ARFIP2: variants seen among roughly 807,000 people sequenced by gnomAD.
ARFIP2 encodes the protein ARF interacting protein 2.
ARFIP2 carries 14 observed loss-of-function variants against 39.2 expected under a neutral mutation model. The ratio of observed to expected loss-of-function variants is 0.36; its 90% CI spans 0.24 to 0.56. ARFIP2 has a LOEUF of 0.56. Ranked by LOEUF, ARFIP2 falls within the 20% of genes least tolerant of loss-of-function variation. The probability of loss-of-function intolerance (pLI) is 0.85; values close to 1 mark genes in which losing one functional copy is unlikely to be tolerated. For missense variants in ARFIP2, 305 were observed against 422.5 expected (o/e 0.72, Z 2.44); for synonymous variants, 167 against 172.4 (o/e 0.97, Z 0.24).
At position 6,478,991 on chromosome 11, in the gene ARFIP2, C is replaced by T. The variant is rs763641373; in HGVS notation, c.316-32G>A. 2.4e-5 allele frequency: 38 copies of T among 1,607,042 alleles called. No individual in the cohort carries two copies. In the South Asian group the frequency reaches 2.5e-4, roughly 11 times the overall value. ...GGGAAATGGGGGAATAAATCAGAGACCCTAACAGCCTCCCCACACAACAGG... is the reference window on the plus strand; with the variant it reads ...GGGAAATGGGGGAATAAATCAGAGATCCTAACAGCCTCCCCACACAACAGG... On this transcript the variant is annotated intron_variant, in intron 4 of 7. Transcript: ENST00000396777. This position sits in a 1 kb window ranked among gnomAD's most constrained non-coding sequence, Gnocchi z 4.8.
At chr11:6,479,874 C>A in intron 3 of ARFIP2, 98 bp downstream of exon 3, 1 of 1,227,222 alleles carries the variant, frequency 8.1e-7, no homozygotes, top group South Asian at 1.3e-5. Context: ...CCCAAGATCT[C>A]CAGACATAAT....
At position 6,477,807 on chromosome 11, in the gene ARFIP2, C is replaced by A. The variant is rs746146856; in HGVS notation, c.781G>T (p.Ala261Ser). Residue 261 changes from alanine to serine, a missense_variant, in exon 7 of 8, where the codon GCC becomes TCC. Around this residue, in one of 3 missense-constraint regions of ARFIP2, gnomAD observed 112 missense variants for 118.2 expected, o/e 0.95. Transcript: ENST00000396777. The surrounding 1 kb of genome is among the most constrained non-coding windows in gnomAD (Gnocchi z 4.8). ...DAGTRGRLES[A>S]QATFQAHRDK... ...CGATGGGCCTGGAAAGTGGCCTGGG[C>A]ACTCTCAAGTCGACCACGTGTCCCT... is the stretch of plus-strand genomic sequence containing the variant. The A allele has an allele frequency of 1.2e-6, 2 of 1,614,026 alleles. No individual in the cohort carries two copies. Among genetic ancestry groups the A allele is most frequent in the African/African-American group, 2.7e-5 (2 of 74,994 alleles).
intron 1 of ARFIP2, 137 bp from the exon 2 acceptor site, chr11:6,480,600 T>C (rs957556415): frequency 3.6e-6 from 2 of 559,838 alleles, no homozygotes; most frequent in African/African-American, 1.9e-5. Flanking sequence ...TTCAGATATA[T>C]GTATTTCTCC....
In ARFIP2 at chr11:6,477,784, A is replaced by G; in HGVS notation, c.804T>C (p.His268=). ...LESAQATFQA[H]RDKYEKLRGD... The stretch of plus-strand genomic sequence containing the variant: ...CCCGCAGCTTCTCATACTTGTCCCG[A>G]TGGGCCTGGAAAGTGGCCTGGGCAC... Residue 268 remains histidine, a synonymous_variant, in exon 7 of 8, where the codon CAT becomes CAC. Transcript: ENST00000396777. This position sits in a 1 kb window ranked among gnomAD's most constrained non-coding sequence, Gnocchi z 4.8. The G allele has an allele frequency of 6.2e-7, 1 of 1,613,896 alleles. No individual in the cohort carries two copies. The highest frequency in any genetic ancestry group is 8.5e-7 in the Non-Finnish European group (1 of 1,179,946).
At chr11:6,479,610 G>A (rs1851506440) in intron 3 of ARFIP2, 3 of 564,154 alleles carry the variant, frequency 5.3e-6, no homozygotes, top group Admixed American at 3.3e-5. Context: ...ATCTTAGTGT[G>A]AGATTCAGGG....
rs1851190136 is a variant in ARFIP2 at position 6,477,336 on chromosome 11, C to G, written c.871-68G>C. 2.6e-6 allele frequency: 4 copies of G among 1,538,868 alleles called. No homozygotes were observed. In the African/African-American group the frequency reaches 4.1e-5, roughly 16 times the overall value. ...CTTCTTGAGGGTCTATGAGCCTGAG[C>G]CCAGGCACAGACCAGGGGCACAAGG... On this transcript the variant is annotated intron_variant, in intron 7 of 7. Transcript: ENST00000396777. This position sits in a 1 kb window ranked among gnomAD's most constrained non-coding sequence, Gnocchi z 4.8.
chr11:6,477,257 C>T lies in ARFIP2; in HGVS notation c.882G>A (p.Met294Ile), dbSNP rs762696754. 6.2e-7 allele frequency: 1 copy of T among 1,613,120 alleles called. No individual in the cohort carries two copies. Among genetic ancestry groups the T allele is most frequent in the Admixed American group, 1.7e-5 (1 of 59,942 alleles). The change falls in exon 8 of 8, where the codon ATG (methionine) becomes ATA (isoleucine). Residue 294 changes from methionine (M) to isoleucine (I), a missense_variant. Around this residue, in one of 3 missense-constraint regions of ARFIP2, gnomAD observed 112 missense variants for 118.2 expected, o/e 0.95. Transcript: ENST00000396777. The surrounding 1 kb of genome is among the most constrained non-coding windows in gnomAD (Gnocchi z 4.8). The stretch of plus-strand genomic sequence containing the variant: ...TGTGGAAGAGCAGCAGCTGCTTGTG[C>T]ATCACCTTGATCTGGGGGTCCAGCA... ...KFLEENKIKV[M>I]HKQLLLFHNA...
At position 6,478,929 on chromosome 11, in the gene ARFIP2, C is replaced by T. The variant is rs1448249611; in HGVS notation, c.346G>A (p.Gly116Ser). 2 of 1,614,074 alleles carry T rather than the reference C, an allele frequency of 1.2e-6. No homozygotes were observed. Among genetic ancestry groups the T allele is most frequent in the Admixed American group, 3.3e-5 (2 of 60,006 alleles). ...AGGTCCACAGTCCGTGAGCCTCGACCAAATCGTTCTGATAACAGTTGCTTT... is the reference window on the plus strand; with the variant it reads ...AGGTCCACAGTCCGTGAGCCTCGACTAAATCGTTCTGATAACAGTTGCTTT... ...CTKQLLSERFGRGSRTVDLEL... is the reference protein window; with the variant it reads ...CTKQLLSERFSRGSRTVDLEL... Residue 116 changes from glycine (G) to serine (S), a missense_variant, in exon 5 of 8, where the codon GGT (glycine) becomes AGT (serine). This residue lies in a region of ARFIP2 where 151 missense variants were observed against 203.1 expected (regional missense o/e 0.74). Transcript: ENST00000396777. This position sits in a 1 kb window ranked among gnomAD's most constrained non-coding sequence, Gnocchi z 4.8.
rs1372877699 is a variant in ARFIP2 at position 6,478,234 on chromosome 11, A to G, written c.538-36T>C. ...AAGGGAGGAACAGACCTTGAATAAC[A>G]CTCCCTACCTGACTGAAGCTGTAGA... On this transcript the variant is annotated intron_variant, in intron 5 of 7. Coordinates refer to ENST00000396777, the MANE Select transcript of ARFIP2 (RefSeq NM_001376558.2). This position sits in a 1 kb window ranked among gnomAD's most constrained non-coding sequence, Gnocchi z 4.8. 1 of 1,610,796 alleles carries G rather than the reference A, an allele frequency of 6.2e-7. No homozygotes were observed. The highest frequency in any genetic ancestry group is 8.5e-7 in the Non-Finnish European group (1 of 1,178,090).
chr11:6,481,316 A>C lies in ARFIP2; in HGVS notation c.-128T>G. The C allele has an allele frequency of 1.3e-6, 1 of 783,192 alleles. No individual in the cohort carries two copies. The highest frequency in any genetic ancestry group is 1.7e-5 in the South Asian group (1 of 58,650). 48.5% of individuals were successfully genotyped at this position (783,192 alleles called of 1,614,324 possible). On this transcript the variant is annotated 5_prime_UTR_variant, in exon 1 of 8. Transcript: ENST00000396777. ...CTCCAGTTCCCGTCGCGATCCTAGC[A>C]GCAGGTCAGGGACTCGGCGGAAATG...
Position 6,477,977 on chromosome 11 carries a change from A to C in ARFIP2, c.695+64T>G. ...TTCCTTCCTGAATTCTTATGCCCCTAATGCCCAAATTTCCACCCATACCAG... is the reference window on the plus strand; with the variant it reads ...TTCCTTCCTGAATTCTTATGCCCCTCATGCCCAAATTTCCACCCATACCAG... On this transcript the variant is annotated intron_variant, in intron 6 of 7. Coordinates refer to ENST00000396777, the MANE Select transcript of ARFIP2 (RefSeq NM_001376558.2). The surrounding 1 kb of genome is among the most constrained non-coding windows in gnomAD (Gnocchi z 4.8). 6.2e-7 allele frequency: 1 copy of C among 1,605,500 alleles called. No homozygotes were observed.
rs1310976988 is a variant in ARFIP2 at position 6,481,323 on chromosome 11, C to G, written c.-135G>C. 2 of 829,324 alleles carry G rather than the reference C, an allele frequency of 2.4e-6. No individual in the cohort carries two copies. The highest frequency in any genetic ancestry group is 3.8e-6 in the Non-Finnish European group (2 of 525,534). 51.4% of individuals were successfully genotyped at this position (829,324 alleles called of 1,614,324 possible). On this transcript the variant is annotated 5_prime_UTR_variant, in exon 1 of 8. Coordinates refer to ENST00000396777, the MANE Select transcript of ARFIP2 (RefSeq NM_001376558.2). ...TCCCGTCGCGATCCTAGCAGCAGGT[C>G]AGGGACTCGGCGGAAATGACGTCCT...
rs1233331066 is a variant in ARFIP2 at position 6,477,652 on chromosome 11, G to T, written c.870+66C>A. 23 of 1,554,960 alleles carry T rather than the reference G, an allele frequency of 1.5e-5. No individual in the cohort carries two copies. The highest frequency in any genetic ancestry group is 1.9e-5 in the Non-Finnish European group (22 of 1,140,064). On this transcript the variant is annotated intron_variant, in intron 7 of 7. Transcript: ENST00000396777. The surrounding 1 kb of genome is among the most constrained non-coding windows in gnomAD (Gnocchi z 4.8). ...ATTTCCTCATTCAATAATGGGGAGG[G>T]TCTGAGGGGAAGGTTAGTGTTACAG... is the stretch of plus-strand genomic sequence containing the variant.
rs1851085355 is a variant in ARFIP2, at chr11:6,476,574, G to C, written c.*539C>G. On this transcript the variant is annotated 3_prime_UTR_variant, in exon 8 of 8. Coordinates refer to ENST00000396777, the MANE Select transcript of ARFIP2 (RefSeq NM_001376558.2). ...AGATCCCAATCTTCTTGGGCTCTAA[G>C]CACAATTAAACTGGGTGGGTGGGTG... The C allele has an allele frequency of 6.5e-6, 1 of 153,356 alleles. No individual in the cohort carries two copies. Among genetic ancestry groups the C allele is most frequent in the Non-Finnish European group, 1.5e-5 (1 of 68,804 alleles). The allele number at this position is 153,356 out of a possible 1,614,324, so 9.5% of individuals were successfully genotyped here.
chr11:6,479,109 T>A, intron 4 of ARFIP2, 31 bp downstream of exon 4: 1 of 1,608,572 alleles, frequency 6.2e-7, no homozygotes, highest in Non-Finnish European at 8.5e-7. Context: ...CATAAGGAGT[T>A]TTGGGGAAGG....
At chr11:6,480,966 C>T (rs545329902) in intron 1 of ARFIP2, 1 of 176,166 alleles carries the variant, frequency 5.7e-6, no homozygotes, top group Admixed American at 5.8e-5. Flanking sequence ...GTCTCATACA[C>T]CTCGTCTTCC....
chr11:6,481,143 C>A, intron 1 of ARFIP2, 88 bp downstream of exon 1: 1 of 425,016 alleles, frequency 2.4e-6, no homozygotes, highest in East Asian at 4.9e-5. Context: ...TCAGGTGTGT[C>A]CTCATCCTTC....
In ARFIP2 at chr11:6,478,542, C is replaced by A. The variant is rs993568871; in HGVS notation, c.537+196G>T. 7.7e-6 allele frequency: 11 copies of A among 1,426,240 alleles called. No individual in the cohort carries two copies. The African/African-American group carries it at 1.2e-4, about 15-fold the overall frequency. The allele number at this position is 1,426,240 out of a possible 1,614,324, so 88.3% of individuals were successfully genotyped here. ...TTGTGAGGCACCTAGTGTGCCCCCT[C>A]CCCCACCCCCTCCAACTTCTGGACC... On this transcript the variant is annotated intron_variant, in intron 5 of 7. Coordinates refer to ENST00000396777, the MANE Select transcript of ARFIP2 (RefSeq NM_001376558.2). This position sits in a 1 kb window ranked among gnomAD's most constrained non-coding sequence, Gnocchi z 4.8.
In ARFIP2 at chr11:6,477,307, C is replaced by T. The variant is rs7122812; in HGVS notation, c.871-39G>A. ...AGGGTCAGCTAAGGCTGGACTCAGGCGCCCTTCTTGAGGGTCTATGAGCCT... is the reference window on the plus strand; with the variant it reads ...AGGGTCAGCTAAGGCTGGACTCAGGTGCCCTTCTTGAGGGTCTATGAGCCT... On this transcript the variant is annotated intron_variant, in intron 7 of 7. Coordinates refer to ENST00000396777, the MANE Select transcript of ARFIP2 (RefSeq NM_001376558.2). This position sits in a 1 kb window ranked among gnomAD's most constrained non-coding sequence, Gnocchi z 4.8. 4.8e-5 allele frequency: 76 copies of T among 1,595,804 alleles called. No individual in the cohort carries two copies. The African/African-American group carries it at 5.4e-4, about 11-fold the overall frequency.
Sources: allele counts gnomAD v4.1 joint callset, GRCh38; gene constraint gnomAD v4.1.1; regional missense constraint gnomAD v4.1.1; non-coding constraint Gnocchi (gnomAD v3.1); transcripts MANE v1.5; gene names NCBI Gene and HGNC (gene_info 2026-07-23, HGNC 2026-07-21).